HYDIN: variants seen among roughly 807,000 people sequenced by gnomAD.
HYDIN encodes HYDIN axonemal central pair apparatus protein, also known as axonemal central pair apparatus protein HYDIN.
A neutral mutation model predicts 403.9 loss-of-function variants in HYDIN; 132 were observed. The ratio of observed to expected loss-of-function variants is 0.33; its 90% CI spans 0.28 to 0.38. The LOEUF is 0.38. Among genes scored for constraint, HYDIN ranks in the 10% least tolerant of loss-of-function variants. HYDIN has a pLI of 1.00. For synonymous variants in HYDIN, 1,202 were observed against 1,891.7 expected (o/e 0.64, Z 9.46); for missense variants, 2,827 against 5,009.5 (o/e 0.56, Z 13.15).
intron 23 of HYDIN, among the ~76,000 whole-genome samples, chr16:71,017,246 A>C (rs1262571381): frequency 6.7e-6 from 1 of 149,334 alleles, no homozygotes; most frequent in Non-Finnish European, 1.5e-5. Context: ...GCTACTTGGG[A>C]GGCTGAGGCA....
Position 71,175,619 on chromosome 16 carries a change from T to C in HYDIN, c.504A>G (p.Pro168=), listed in dbSNP as rs1359349970. 1.2e-6 allele frequency: 2 copies of C among 1,614,154 alleles called. No individual in the cohort carries two copies. The highest frequency in any genetic ancestry group is 1.3e-5 in the African/African-American group (1 of 75,064). ...TTCCTGGTATTACCTTGTTCTCCTC[T>C]GGAGTAAAGAGGATTCGGAATATGG... The part of the protein sequence containing the change: ...VPSIFRILFT[P]EENKDYAHTL... The change falls in exon 5 of 86, where the codon CCA becomes CCG. Residue 168 remains proline, a synonymous_variant. Coordinates refer to ENST00000393567, the MANE Select transcript of HYDIN (RefSeq NM_001270974.2).
At chr16:71,136,875 A>G (rs1163066567) in intron 8 of HYDIN, among the ~76,000 whole-genome samples, 3 of 145,364 alleles carry the variant, frequency 2.1e-5, no homozygotes, top group Non-Finnish European at 4.5e-5. Context: ...GTGAAGAATG[A>G]TAGGTTTTGT....
chr16:70,994,306 GAT>G (rs1205526145), intron 23 of HYDIN, among the ~76,000 whole-genome samples: 47 of 151,160 alleles, frequency 3.1e-4, no homozygotes, highest in Non-Finnish European at 5.9e-4. Flanking sequence ...TGGATGGATG[GAT>G]GGATGGGTGT....
rs556215818 is a variant in HYDIN at position 71,217,300 on chromosome 16, G to C, written c.-24+13262C>G. ...ATGCCCCAAGTTGTCGTTCAGACAA[G>C]TTCATGAATACAGGTACCTCTACAT... On this transcript the variant is annotated intron_variant, in intron 1 of 85. Coordinates refer to ENST00000393567, the MANE Select transcript of HYDIN (RefSeq NM_001270974.2). 6.1e-4 allele frequency among the ~76,000 whole-genome samples: 93 copies of C among 152,256 alleles called. 1 individual carries two copies. Among genetic ancestry groups the C allele is most frequent in the African/African-American group, 2.2e-3 (91 of 41,570 alleles).
At position 71,064,725 on chromosome 16, in the gene HYDIN, A is replaced by G. The variant is rs147329235; in HGVS notation, c.2191T>C (p.Phe731Leu). ...QLANQDDLPGFYEVQPQVCEE... is the reference protein window; with the variant it reads ...QLANQDDLPGLYEVQPQVCEE... Reference sequence around the variant, plus strand: ...CTCACCTGAGGCTGGACCTCATAGAATCCTGGGAGGTCATCTTGATTGGCA... The same window carrying G: ...CTCACCTGAGGCTGGACCTCATAGAGTCCTGGGAGGTCATCTTGATTGGCA... The change falls in exon 16 of 86, where the codon TTC (phenylalanine) becomes CTC (leucine). Residue 731 changes from phenylalanine (F) to leucine (L), a missense_variant. Phe to Leu is a conservative substitution (Grantham distance 22). Coordinates refer to ENST00000393567, the MANE Select transcript of HYDIN (RefSeq NM_001270974.2). The G allele has an allele frequency of 5.0e-6, 8 of 1,613,928 alleles. No homozygotes were observed. Among genetic ancestry groups the G allele is most frequent in the South Asian group, 4.4e-5 (4 of 91,058 alleles).
chr16:70,921,777 G>A (rs1347341124), intron 45 of HYDIN, among the ~76,000 whole-genome samples: 1 of 152,220 alleles, frequency 6.6e-6, no homozygotes, highest in Non-Finnish European at 1.5e-5. Flanking sequence ...AACCACACAT[G>A]TATTGTATAC....
Position 70,807,512 on chromosome 16 carries a change from TTTCTC to T in HYDIN, c.*63_*67del, listed in dbSNP as rs2035162002. On this transcript the variant is annotated 3_prime_UTR_variant, in exon 86 of 86. Transcript: ENST00000393567. ...ACAGTTCCTTTAGAATTCTTATTGT[TTTCTC>T]TATTCTTTTTCAGGCTAAGACAATG... 7 of 1,491,178 alleles carry T rather than the reference TTTCTC, an allele frequency of 4.7e-6. No individual in the cohort carries two copies. In the East Asian group the frequency reaches 1.6e-4, roughly 34 times the overall value. 92.4% of individuals were successfully genotyped at this position (1,491,178 alleles called of 1,614,324 possible).
At chr16:71,192,310 T>A (rs932226367) in intron 1 of HYDIN, among the ~76,000 whole-genome samples, 2 of 152,132 alleles carry the variant, frequency 1.3e-5, no homozygotes, top group African/African-American at 4.8e-5. Flanking sequence ...CTGCAACACT[T>A]AACTGACCTA....
At chr16:70,885,932 T>C (rs1168801503) in intron 58 of HYDIN, among the ~76,000 whole-genome samples, 3 of 150,732 alleles carry the variant, frequency 2.0e-5, no homozygotes, top group East Asian at 1.9e-4. Flanking sequence ...CCTGCTTCTC[T>C]CATTGCCTTC....
intron 11 of HYDIN, among the ~76,000 whole-genome samples, chr16:71,092,256 TATC>T (rs2083130529): frequency 6.6e-6 from 1 of 152,150 alleles, no homozygotes; most frequent in African/African-American, 2.4e-5. Flanking sequence ...TCTATAAAAA[TATC>T]ATATACGTTC....
intron 80 of HYDIN, among the ~76,000 whole-genome samples, chr16:70,831,543 A>C (rs1482471203): frequency 3.4e-5 from 5 of 145,164 alleles, no homozygotes; most frequent in Non-Finnish European, 7.5e-5. Flanking sequence ...AAAAAAAAAA[A>C]CAAGAAACAA....
intron 10 of HYDIN, among the ~76,000 whole-genome samples, chr16:71,108,038 G>A (rs2083681635): frequency 6.6e-6 from 1 of 152,090 alleles, no homozygotes; most frequent in South Asian, 2.1e-4. Flanking sequence ...GAAGCTGGAG[G>A]CCATCATCCC....
At chr16:70,812,838 C>T (rs1173316476) in intron 84 of HYDIN, among the ~76,000 whole-genome samples, 2 of 152,176 alleles carry the variant, frequency 1.3e-5, no homozygotes, top group African/African-American at 4.8e-5. Context: ...GATTCCCAGC[C>T]TCGTGTAGTC....
chr16:71,198,155 G>T (rs1024214461), intron 1 of HYDIN, among the ~76,000 whole-genome samples: 1 of 152,188 alleles, frequency 6.6e-6, no homozygotes, highest in Non-Finnish European at 1.5e-5. Flanking sequence ...TTTGTGTCTA[G>T]ATTATTTAAC....
intron 23 of HYDIN, among the ~76,000 whole-genome samples, chr16:71,003,538 G>C (rs2079790976): frequency 6.6e-6 from 1 of 151,624 alleles, no homozygotes; most frequent in South Asian, 2.1e-4. Flanking sequence ...GCTCATGCCT[G>C]TAAGCAATCC....
At position 70,855,270 on chromosome 16, in the gene HYDIN, C is replaced by G; in HGVS notation, c.12301G>C (p.Glu4101Gln). Reference protein sequence around the residue: ...LNFSSLLIGREARETVQIINK... With the variant: ...LNFSSLLIGRQARETVQIINK... ...ATGATCTGCACAGTCTCCCTGGCTTCTCTGCCTGAGGAGGAAACACCAGCC... is the reference window on the plus strand; with the variant it reads ...ATGATCTGCACAGTCTCCCTGGCTTGTCTGCCTGAGGAGGAAACACCAGCC... Residue 4101 changes from glutamate (E) to glutamine (Q), a missense_variant, in exon 73 of 86, where the codon GAA (glutamate) becomes CAA (glutamine). Glu to Gln is a conservative substitution (Grantham distance 29, BLOSUM62 2). Transcript: ENST00000393567. 1 of 1,565,750 alleles carries G rather than the reference C, an allele frequency of 6.4e-7. No homozygotes were observed. The highest frequency in any genetic ancestry group is 1.1e-5 in the South Asian group (1 of 89,780).
At chr16:70,819,124 A>G (rs922511337) in intron 83 of HYDIN, among the ~76,000 whole-genome samples, 9 of 151,648 alleles carry the variant, frequency 5.9e-5, no homozygotes, top group African/African-American at 1.9e-4. Context: ...CATGTTGGCC[A>G]GGCTGGTCCT....
intron 5 of HYDIN, among the ~76,000 whole-genome samples, chr16:71,168,683 C>A (rs2086344553): frequency 6.6e-6 from 1 of 152,132 alleles, no homozygotes. Context: ...TTCCTGGGAC[C>A]CAACTCTTTC....
At chr16:71,078,740 A>C (rs1345344685) in intron 13 of HYDIN, among the ~76,000 whole-genome samples, 1 of 152,204 alleles carries the variant, frequency 6.6e-6, no homozygotes, top group African/African-American at 2.4e-5. Context: ...TCCTGGGCTC[A>C]AGCAATCCTC....
Sources: allele counts gnomAD v4.1 joint callset (sites outside exome capture counted in the v4.1 genomes callset), GRCh38; gene constraint gnomAD v4.1.1; transcripts MANE v1.5; gene names NCBI Gene and HGNC (gene_info 2026-07-23, HGNC 2026-07-21).